The following PCDHGA7 variants were observed in gnomAD, a reference collection of about 807,000 sequenced individuals.
The protein encoded by PCDHGA7 is protocadherin gamma-A7.
Under a neutral mutation model 58.3 loss-of-function variants are expected in PCDHGA7, and 44 were observed. The observed-to-expected ratio is 0.75, with a 90% confidence interval of 0.59 to 0.97. PCDHGA7 has a LOEUF of 0.97. PCDHGA7 is among the 50% of genes least tolerant of loss of function. The pLI, the probability that PCDHGA7 is intolerant of heterozygous loss-of-function variation, is 0.00. For synonymous variants in PCDHGA7, 516 were observed against 504.2 expected (o/e 1.02, Z -0.31); for missense variants, 1,266 against 1,188.7 (o/e 1.06, Z -0.96).
At chr5:141,480,942 G>T (rs2099528600) in intron 1 of PCDHGA7, among the ~76,000 whole-genome samples, 3 of 152,132 alleles carry the variant, frequency 2.0e-5, no homozygotes, top group Non-Finnish European at 2.9e-5. Flanking sequence ...CTACTCTAGA[G>T]GCTGAGGCGG....
chr5:141,433,283 T>A, intron 1 of PCDHGA7: 1 of 1,183,074 alleles, frequency 8.5e-7, no homozygotes, highest in Non-Finnish European at 1.2e-6. Flanking sequence ...AGCCTCAAAC[T>A]CCTAGGCTCA....
intron 1 of PCDHGA7, chr5:141,388,600 C>G (rs1561620181): frequency 6.2e-7 from 1 of 1,613,856 alleles, no homozygotes; most frequent in Non-Finnish European, 8.5e-7. Context: ...AATGATAATG[C>G]TCCAGTGTTC....
At chr5:141,409,897 A>C (rs549955923) in intron 1 of PCDHGA7, 1 of 1,613,086 alleles carries the variant, frequency 6.2e-7, no homozygotes, top group Non-Finnish European at 8.5e-7. Context: ...TGCTGTACCC[A>C]GCTCTGGGTC....
intron 1 of PCDHGA7, chr5:141,399,585 T>C (rs1452769752): frequency 6.2e-7 from 1 of 1,613,984 alleles, no homozygotes; most frequent in South Asian, 1.1e-5. Context: ...TCTCCTACTC[T>C]ATCATGGCCA....
chr5:141,507,735 C>T (rs942364858), intron 3 of PCDHGA7, among the ~76,000 whole-genome samples: 3 of 152,268 alleles, frequency 2.0e-5, no homozygotes, highest in Non-Finnish European at 2.9e-5. Flanking sequence ...TCATGCAGCT[C>T]GTTCCCCTGT....
chr5:141,417,111 G>A (rs1014827063), intron 1 of PCDHGA7: 13 of 152,012 alleles, frequency 8.6e-5, no homozygotes, highest in African/African-American at 2.7e-4. Context: ...AAGCAATACA[G>A]GACACCCTGG....
rs374857095 is a variant in PCDHGA7, at chr5:141,409,142, A to G, written c.2424+23819A>G. 6 of 1,613,904 alleles carry G rather than the reference A, an allele frequency of 3.7e-6. No individual in the cohort carries two copies. In the African/African-American group the frequency reaches 6.7e-5, roughly 18 times the overall value. ...GTCATTTGATTTTGAAGATGTAGAA[A>G]GGTACACCATGGAAGTGGAAGCGAA... is the stretch of plus-strand genomic sequence containing the variant. On this transcript the variant is annotated intron_variant, in intron 1 of 3. Coordinates refer to ENST00000518325, the MANE Select transcript of PCDHGA7 (RefSeq NM_018920.4).
chr5:141,384,712 T>C lies in PCDHGA7; in HGVS notation c.1813T>C (p.Ser605Pro), dbSNP rs1479257673. The C allele has an allele frequency of 6.2e-7, 1 of 1,614,074 alleles. No individual in the cohort carries two copies. Among genetic ancestry groups the C allele is most frequent in the Admixed American group, 1.7e-5 (1 of 60,030 alleles). The part of the protein sequence containing the change: ...DKDSGQNAWL[S>P]YLLLKASEPG... ...AGATTCAGGCCAGAACGCCTGGCTG[T>C]CATACCTCCTGCTTAAGGCCAGCGA... The change falls in exon 1 of 4, where the codon TCA (serine) becomes CCA (proline). Residue 605 changes from serine to proline, a missense_variant. Physicochemically the swap from Ser to Pro is moderately conservative, Grantham distance 74 (BLOSUM62 -1). Coordinates refer to ENST00000518325, the MANE Select transcript of PCDHGA7 (RefSeq NM_018920.4).
intron 1 of PCDHGA7, chr5:141,390,248 A>G (rs778353032): frequency 2.5e-6 from 4 of 1,613,850 alleles, no homozygotes; most frequent in East Asian, 2.2e-5. Context: ...CCTTATTTCC[A>G]CTTTGTAATT....
intron 2 of PCDHGA7, among the ~76,000 whole-genome samples, chr5:141,496,827 C>A (rs1595415247): frequency 6.6e-6 from 1 of 151,780 alleles, no homozygotes; most frequent in East Asian, 1.9e-4. Context: ...TAGATGTGAT[C>A]CCAGAACTCA....
chr5:141,461,303 G>T (rs1390421489), intron 1 of PCDHGA7, among the ~76,000 whole-genome samples: 2 of 152,074 alleles, frequency 1.3e-5, no homozygotes, highest in Non-Finnish European at 2.9e-5. Flanking sequence ...AACATCTATT[G>T]TTTTTTGACT....
At chr5:141,417,710 TC>T (rs1471403767) in intron 1 of PCDHGA7, 1 of 1,249,228 alleles carries the variant, frequency 8.0e-7, no homozygotes, top group Non-Finnish European at 1.1e-6. Flanking sequence ...ACACAGAGGC[TC>T]CCGGCTGCGC....
chr5:141,511,265 A>C lies in PCDHGA7; in HGVS notation c.*92A>C. The C allele has an allele frequency of 6.4e-7, 1 of 1,551,730 alleles. No individual in the cohort carries two copies. Among genetic ancestry groups the C allele is most frequent in the Non-Finnish European group, 8.7e-7 (1 of 1,148,178 alleles). ...ACCCAGGCCTCAGAGTTTCAGGGCT[A>C]ACCCCCAGAATACTGGTAGGGGCCA... On this transcript the variant is annotated 3_prime_UTR_variant, in exon 4 of 4. Coordinates refer to ENST00000518325, the MANE Select transcript of PCDHGA7 (RefSeq NM_018920.4).
chr5:141,487,377 C>T lies in PCDHGA7; in HGVS notation c.2425-7430C>T, dbSNP rs758216933. Reference sequence around the variant, plus strand: ...CCTGCTGGCACCTGTGCCTGTCTCACCAGATCTCGAAGGAGGGAGGGGCTT... The same window carrying T: ...CCTGCTGGCACCTGTGCCTGTCTCATCAGATCTCGAAGGAGGGAGGGGCTT... On this transcript the variant is annotated intron_variant, in intron 1 of 3. Transcript: ENST00000518325. The surrounding 1 kb of genome is among the most constrained non-coding windows in gnomAD (Gnocchi z 5.0). 6.2e-7 allele frequency: 1 copy of T among 1,614,190 alleles called. No homozygotes were observed. Among genetic ancestry groups the T allele is most frequent in the Non-Finnish European group, 8.5e-7 (1 of 1,180,034 alleles).
At chr5:141,403,638 A>C in intron 1 of PCDHGA7, 1 of 1,613,906 alleles carries the variant, frequency 6.2e-7, no homozygotes, top group East Asian at 2.2e-5. Context: ...GTGCGCATCC[A>C]TGTGACAGTG....
intron 1 of PCDHGA7, chr5:141,409,600 G>T (rs778681839): frequency 6.8e-6 from 11 of 1,613,882 alleles, no homozygotes; most frequent in Admixed American, 1.7e-5. Flanking sequence ...AGAACAACCC[G>T]CCAGGAGCCT....
Position 141,384,838 on chromosome 5 carries a change from C to G in PCDHGA7, c.1939C>G (p.Gln647Glu). The G allele has an allele frequency of 6.2e-7, 1 of 1,613,540 alleles. No individual in the cohort carries two copies. Among genetic ancestry groups the G allele is most frequent in the Non-Finnish European group, 8.5e-7 (1 of 1,179,908 alleles). ...ALKQSLVVAV[Q>E]DHGQPPLSAT... ...CAAGCAGAGCCTCGTGGTGGCCGTC[C>G]AGGACCACGGTCAGCCTCCTCTGTC... Residue 647 changes from glutamine (Q) to glutamate (E), a missense_variant, in exon 1 of 4, where the codon CAG becomes GAG. Physicochemically the swap from Gln to Glu is conservative, Grantham distance 29. Coordinates refer to ENST00000518325, the MANE Select transcript of PCDHGA7 (RefSeq NM_018920.4).
At chr5:141,404,924 G>A in intron 1 of PCDHGA7, 1 of 1,613,908 alleles carries the variant, frequency 6.2e-7, no homozygotes, top group South Asian at 1.1e-5. Flanking sequence ...CTCGGCCACT[G>A]TCACGCTCAC....
At chr5:141,422,296 A>T (rs200545713) in intron 1 of PCDHGA7, 6 of 1,550,706 alleles carry the variant, frequency 3.9e-6, no homozygotes, top group Non-Finnish European at 4.3e-6. Context: ...TATTAATTCA[A>T]TTCTGGAAAA....
Sources: gnomAD v4.1 joint callset for allele counts (sites outside exome capture counted in the v4.1 genomes callset) on GRCh38, gnomAD v4.1.1 for gene constraint, Gnocchi (gnomAD v3.1) non-coding constraint, MANE v1.5 for transcripts, NCBI Gene and HGNC (gene_info 2026-07-23, HGNC 2026-07-21) for gene names.